CFAP97: variants seen among roughly 807,000 people sequenced by gnomAD.
CFAP97 encodes cilia and flagella associated protein 97, also known as cilia- and flagella-associated protein 97.
Under a neutral mutation model 43.1 loss-of-function variants are expected in CFAP97, and 36 were observed. That is an observed-to-expected ratio of 0.84 (90% confidence interval 0.64 to 1.10). The LOEUF is 1.10. Ranked by LOEUF, CFAP97 falls within the 50% of genes least tolerant of loss-of-function variation. CFAP97 has a pLI of 0.00. For missense variants in CFAP97, 657 were observed against 620.3 expected, an observed-to-expected ratio of 1.06 and a Z score of -0.63; for synonymous variants, 228 against 225.7, an observed-to-expected ratio of 1.01 and a Z score of -0.09.
At chr4:185,170,806 GA>G (rs1294578847) in intron 3 of CFAP97, among the ~76,000 whole-genome samples, 1 of 149,844 alleles carries the variant, frequency 6.7e-6, no homozygotes, top group Non-Finnish European at 1.5e-5. Flanking sequence ...CCAACATGGT[GA>G]AACCCTGTCT....
upstream of CFAP97, among the ~76,000 whole-genome samples, chr4:185,207,459 C>A (rs1737236457): frequency 1.3e-5 from 2 of 152,090 alleles, no homozygotes; most frequent in African/African-American, 4.8e-5. Context: ...CTCAGGTAAT[C>A]CAGCCACCTC....
chr4:185,181,034 C>T (rs192107431), intron 2 of CFAP97, among the ~76,000 whole-genome samples: 4 of 152,094 alleles, frequency 2.6e-5, no homozygotes, highest in African/African-American at 7.2e-5. Context: ...CAGCGAGTGG[C>T]AGAGTTTGTT....
Position 185,162,126 on chromosome 4 carries a change from A to C in CFAP97, c.*672T>G, listed in dbSNP as rs956807743. 2 of 152,232 alleles carry C rather than the reference A, an allele frequency of 1.3e-5. No homozygotes were observed. The highest frequency in any genetic ancestry group is 2.9e-5 in the Non-Finnish European group (2 of 68,060). 9.4% of individuals were successfully genotyped at this position (152,232 alleles called of 1,614,324 possible). ...TGAAAACACAAAAGGGAAGCTTCTAAGTTGAACTTTCTAATATTCATATTT... is the reference window on the plus strand; with the variant it reads ...TGAAAACACAAAAGGGAAGCTTCTACGTTGAACTTTCTAATATTCATATTT... On this transcript the variant is annotated 3_prime_UTR_variant, in exon 5 of 5. Transcript: ENST00000458385.
chr4:185,200,895 G>C (rs1395497093), intron 1 of CFAP97, among the ~76,000 whole-genome samples: 2 of 152,214 alleles, frequency 1.3e-5, no homozygotes, highest in Non-Finnish European at 2.9e-5. Flanking sequence ...AAAGAAAGTA[G>C]TTTCTTGAGA....
rs116632163 is a variant in CFAP97 at position 185,191,054 on chromosome 4, G to A, written c.143C>T (p.Thr48Ile). 2.5e-6 allele frequency: 4 copies of A among 1,612,986 alleles called. No homozygotes were observed. The highest frequency in any genetic ancestry group is 1.7e-5 in the Admixed American group (1 of 59,936). Residue 48 changes from threonine to isoleucine, a missense_variant, in exon 2 of 5, where the codon ACA becomes ATA. Transcript: ENST00000458385. ...TCCAGTGTTCGAATTTACATTTTTT[G>A]TATCTTTATCTATTCTTTCCTTTGG... The part of the protein sequence containing the change: ...DDPKERIDKD[T>I]KNVNSNTGMQ...
At chr4:185,163,343 T>C (rs1426329003) in intron 4 of CFAP97, among the ~76,000 whole-genome samples, 1 of 151,986 alleles carries the variant, frequency 6.6e-6, no homozygotes, top group African/African-American at 2.4e-5. Context: ...GTCTTGAGAG[T>C]TGAAGACTCA....
chr4:185,193,417 C>G (rs942988003), intron 1 of CFAP97, among the ~76,000 whole-genome samples: 1 of 152,096 alleles, frequency 6.6e-6, no homozygotes, highest in Non-Finnish European at 1.5e-5. Flanking sequence ...GAGGCAAAGG[C>G]GGGTGGATCA....
chr4:185,200,670 C>T (rs778058746), intron 1 of CFAP97, among the ~76,000 whole-genome samples: 5 of 151,230 alleles, frequency 3.3e-5, no homozygotes, highest in Non-Finnish European at 7.4e-5. Context: ...TGCAGTGGCA[C>T]GTGCCTGTAG....
chr4:185,175,758 T>C (rs756708498), intron 3 of CFAP97, 28 bp downstream of exon 3: 24 of 1,600,550 alleles, frequency 1.5e-5, no homozygotes, highest in Admixed American at 1.0e-4. Flanking sequence ...CACATTTTCT[T>C]TGATGACTAA....
chr4:185,204,698 A>T (rs751569655), upstream of CFAP97, among the ~76,000 whole-genome samples: 5 of 152,204 alleles, frequency 3.3e-5, no homozygotes, highest in Non-Finnish European at 7.3e-5. Flanking sequence ...AACCCCATGG[A>T]ATCACAAAGG....
chr4:185,190,918 T>C lies in CFAP97; in HGVS notation c.279A>G (p.Ser93=). The C allele has an allele frequency of 6.2e-7, 1 of 1,613,762 alleles. No individual in the cohort carries two copies. The change falls in exon 2 of 5, where the codon TCA becomes TCG. Residue 93 remains serine, a synonymous_variant. Coordinates refer to ENST00000458385, the MANE Select transcript of CFAP97 (RefSeq NM_020827.3). The part of the protein sequence containing the change: ...NDVTQTVSSF[S]LPASSRSKKL... The stretch of plus-strand genomic sequence containing the variant: ...TTTTTGATCTTGAAGAGGCTGGCAA[T>C]GAGAAAGAACTTACAGTTTGTGTAA...
chr4:185,181,016 TAA>T (rs1735758084), intron 2 of CFAP97, among the ~76,000 whole-genome samples: 2 of 152,086 alleles, frequency 1.3e-5, no homozygotes, highest in Non-Finnish European at 2.9e-5. Context: ...ATTTTTATTT[TAA>T]AAAGTCAGCG....
intron 3 of CFAP97, among the ~76,000 whole-genome samples, chr4:185,166,625 T>A (rs752962877): frequency 6.6e-6 from 1 of 152,184 alleles, no homozygotes; most frequent in Non-Finnish European, 1.5e-5. Context: ...TCAACAATAA[T>A]GCAAAAAGTA....
intron 1 of CFAP97, among the ~76,000 whole-genome samples, chr4:185,202,067 C>A (rs1354624098): frequency 6.6e-6 from 1 of 152,194 alleles, no homozygotes; most frequent in Non-Finnish European, 1.5e-5. Flanking sequence ...TGTCTCCTTG[C>A]CAGACTGGGA....
chr4:185,199,951 G>C (rs184121261), intron 1 of CFAP97, among the ~76,000 whole-genome samples: 93 of 152,342 alleles, frequency 6.1e-4, no homozygotes, highest in Non-Finnish European at 1.2e-3. Flanking sequence ...GCAGCCCATG[G>C]TTCAAGGAGT....
intron 2 of CFAP97, among the ~76,000 whole-genome samples, chr4:185,179,652 T>A (rs1431569612): frequency 1.3e-5 from 2 of 152,190 alleles, no homozygotes; most frequent in Admixed American, 6.5e-5. Context: ...GCACCTGATG[T>A]GAAAACACAG....
At chr4:185,181,476 C>T (rs866159262) in intron 2 of CFAP97, among the ~76,000 whole-genome samples, 2 of 151,676 alleles carry the variant, frequency 1.3e-5, no homozygotes, top group South Asian at 4.2e-4. Context: ...CAGGCATGTG[C>T]CACCACGCAC....
rs1387132255 is a variant in CFAP97 at position 185,176,020 on chromosome 4, T to C, written c.1086A>G (p.Gln362=). Residue 362 remains glutamine, a synonymous_variant, in exon 3 of 5, where the codon CAA becomes CAG. Transcript: ENST00000458385. ...AFLQLDKKGP[Q]KHHFDQPSVA... ...CTGAAGGCTGATCAAAGTGATGTTT[T>C]TGTGGTCCTTTTTTATCTAATTGCA... 6.2e-7 allele frequency: 1 copy of C among 1,607,208 alleles called. No individual in the cohort carries two copies. Among genetic ancestry groups the C allele is most frequent in the Non-Finnish European group, 8.5e-7 (1 of 1,177,704 alleles).
chr4:185,182,112 A>C (rs1296302579), intron 2 of CFAP97: 1 of 152,018 alleles, frequency 6.6e-6, no homozygotes, highest in Non-Finnish European at 1.5e-5. Context: ...AAATATTTTA[A>C]ATTTTTGCTG....
Sources: gnomAD v4.1 joint callset for allele counts (sites outside exome capture counted in the v4.1 genomes callset) on GRCh38, gnomAD v4.1.1 for gene constraint, MANE v1.5 for transcripts, NCBI Gene and HGNC (gene_info 2026-07-23, HGNC 2026-07-21) for gene names.